The following RALYL variants were observed in gnomAD, a reference collection of about 807,000 sequenced individuals.
The protein encoded by RALYL is RALY RNA binding protein like, also known as RNA-binding Raly-like protein.
RALYL carries 29 observed loss-of-function variants against 35.1 expected under a neutral mutation model. That is an observed-to-expected ratio of 0.83 (90% CI 0.61 to 1.13). The LOEUF (loss-of-function observed/expected upper bound fraction) is 1.13. RALYL is among the 50% of genes most tolerant of loss of function. The pLI is 0.00. For synonymous variants in RALYL, 120 were observed against 127.6 expected, an observed-to-expected ratio of 0.94 and a Z score of 0.40; for missense variants, 359 against 360.4, an observed-to-expected ratio of 1.00 and a Z score of 0.03.
intron 4 of RALYL, among the ~76,000 whole-genome samples, chr8:84,807,808 T>C (rs1415598133): frequency 6.6e-6 from 1 of 152,252 alleles, no homozygotes; most frequent in Non-Finnish European, 1.5e-5. Flanking sequence ...GCCATTTGTA[T>C]ATCTTCATTT....
chr8:84,524,814 T>C (rs910952101), intron 1 of RALYL, among the ~76,000 whole-genome samples: 7 of 152,152 alleles, frequency 4.6e-5, no homozygotes, highest in Admixed American at 2.6e-4. Flanking sequence ...TCTTTTAAAT[T>C]AGTTATCATA....
chr8:84,539,427 T>C (rs1296768812), intron 2 of RALYL, among the ~76,000 whole-genome samples: 1 of 152,078 alleles, frequency 6.6e-6, no homozygotes, highest in Non-Finnish European at 1.5e-5. Flanking sequence ...ATCTTTAGCT[T>C]TTTGAAGGTG....
chr8:84,416,428 GA>G (rs2044707886), intron 1 of RALYL, among the ~76,000 whole-genome samples: 1 of 152,318 alleles, frequency 6.6e-6, no homozygotes, highest in South Asian at 2.1e-4. Flanking sequence ...TGGCATTTAG[GA>G]AGTAGTAAGT....
chr8:84,884,784 G>A (rs541440739), intron 7 of RALYL, among the ~76,000 whole-genome samples: 13 of 152,130 alleles, frequency 8.5e-5, no homozygotes, highest in African/African-American at 2.4e-4. Flanking sequence ...ATTTTTCACT[G>A]TACAGAATTA....
At chr8:84,542,651 A>C (rs1291974917) in intron 2 of RALYL, among the ~76,000 whole-genome samples, 3 of 152,108 alleles carry the variant, frequency 2.0e-5, no homozygotes, top group African/African-American at 7.2e-5. Flanking sequence ...CATGATTGTA[A>C]GTTTCCTGAG....
At chr8:84,424,802 C>T (rs1254783037) in intron 1 of RALYL, among the ~76,000 whole-genome samples, 1 of 151,998 alleles carries the variant, frequency 6.6e-6, no homozygotes, top group Non-Finnish European at 1.5e-5. Flanking sequence ...TGTTGGAATA[C>T]CCTGCTGTGT....
At chr8:84,202,431 G>A (rs755265856) in intron 1 of RALYL, among the ~76,000 whole-genome samples, 9 of 147,378 alleles carry the variant, frequency 6.1e-5, no homozygotes, top group Non-Finnish European at 8.9e-5. Context: ...GGAGTGTAGC[G>A]GTGCAATCTT....
At chr8:84,262,990 G>C (rs1251297720) in intron 1 of RALYL, among the ~76,000 whole-genome samples, 1 of 152,044 alleles carries the variant, frequency 6.6e-6, no homozygotes, top group Non-Finnish European at 1.5e-5. Flanking sequence ...TTTCATTATT[G>C]AACTAAGTCT....
In RALYL at chr8:84,843,558, A is replaced by T. The variant is rs1586712366; in HGVS notation, c.366-6422A>T. Among the ~76,000 whole-genome samples the T allele has an allele frequency of 2.6e-5, 4 of 152,344 alleles. No individual in the cohort carries two copies. In the South Asian group the frequency reaches 8.3e-4, roughly 32 times the overall value. The stretch of plus-strand genomic sequence containing the variant: ...CCATACTGCCCAAGGTAATTTACAG[A>T]TTCAATGCCATCCTCATCAAGCTAC... On this transcript the variant is annotated intron_variant, in intron 4 of 8. Transcript: ENST00000521268.
At chr8:84,792,613 C>T (rs555707421) in intron 3 of RALYL, among the ~76,000 whole-genome samples, 1 of 152,318 alleles carries the variant, frequency 6.6e-6, no homozygotes, top group African/African-American at 2.4e-5. Flanking sequence ...TGGGGAACCA[C>T]CTTCTTCGAC....
At chr8:84,552,196 T>C (rs1180371538) in intron 2 of RALYL, among the ~76,000 whole-genome samples, 1 of 150,548 alleles carries the variant, frequency 6.6e-6, no homozygotes, top group Admixed American at 6.6e-5. Flanking sequence ...ATCTCCAAAG[T>C]TGTGCAGAAC....
At chr8:84,680,022 C>A (rs1457749884) in intron 2 of RALYL, among the ~76,000 whole-genome samples, 1 of 151,876 alleles carries the variant, frequency 6.6e-6, no homozygotes, top group Non-Finnish European at 1.5e-5. Flanking sequence ...CCACGACAGG[C>A]CCCGGTGTGT....
Position 84,902,479 on chromosome 8 carries a change from T to G in RALYL, c.858+14703T>G, listed in dbSNP as rs138783300. 6.2e-3 allele frequency among the ~76,000 whole-genome samples: 946 copies of G among 152,250 alleles called. 9 individuals are homozygous for G. Among genetic ancestry groups the G allele is most frequent in the African/African-American group, 0.021 (892 of 41,542 alleles). ...ATGAGATTTGGACGGGGAACACATA[T>G]TCAAGCTATATCATATGTCTACACT... On this transcript the variant is annotated intron_variant, in intron 8 of 8. Coordinates refer to ENST00000521268, the MANE Select transcript of RALYL (RefSeq NM_173848.7).
chr8:84,184,764 T>G (rs1812058692), intron 1 of RALYL: 3 of 438,586 alleles, frequency 6.8e-6, no homozygotes, highest in East Asian at 3.6e-5. Context: ...GCCCTGTAAG[T>G]TCTCCGAGGG....
At chr8:84,428,839 G>A (rs758440264) in intron 1 of RALYL, among the ~76,000 whole-genome samples, 12 of 152,086 alleles carry the variant, frequency 7.9e-5, no homozygotes, top group Non-Finnish European at 1.2e-4. Flanking sequence ...GGCATTCAAT[G>A]TGAAGTATAT....
chr8:84,229,206 T>C (rs1400405806), intron 1 of RALYL, among the ~76,000 whole-genome samples: 1 of 152,218 alleles, frequency 6.6e-6, no homozygotes, highest in Non-Finnish European at 1.5e-5. Context: ...GTTTCTTTGA[T>C]AGACACCATG....
At chr8:84,260,984 GATCTTGA>G (rs1205283052) in intron 1 of RALYL, among the ~76,000 whole-genome samples, 1 of 152,016 alleles carries the variant, frequency 6.6e-6, no homozygotes, top group Non-Finnish European at 1.5e-5. Flanking sequence ...ACAATTTTGG[GATCTTGA>G]ATTTTTATGA....
chr8:84,883,073 C>T (rs998844017), intron 7 of RALYL, among the ~76,000 whole-genome samples: 18 of 151,926 alleles, frequency 1.2e-4, no homozygotes, highest in African/African-American at 3.1e-4. Flanking sequence ...TGTTGACTAC[C>T]TATTACTAAC....
intron 8 of RALYL, among the ~76,000 whole-genome samples, chr8:84,914,372 G>A (rs1056223698): frequency 4.0e-5 from 6 of 151,844 alleles, no homozygotes; most frequent in Non-Finnish European, 7.4e-5. Flanking sequence ...ATCAAAAATC[G>A]ATGCATGATC....
Sources: gnomAD v4.1 joint callset for allele counts (sites outside exome capture counted in the v4.1 genomes callset) on GRCh38, gnomAD v4.1.1 for gene constraint, MANE v1.5 for transcripts, NCBI Gene and HGNC (gene_info 2026-07-23, HGNC 2026-07-21) for gene names.